The following PHGDH variants were observed in gnomAD, a reference collection of about 807,000 sequenced individuals.
The protein encoded by PHGDH is D-3-phosphoglycerate dehydrogenase.
Under a neutral mutation model 52.6 loss-of-function variants are expected in PHGDH, and 50 were observed. The ratio of observed to expected loss-of-function variants is 0.95; its 90% CI spans 0.76 to 1.20. The LOEUF (loss-of-function observed/expected upper bound fraction) is 1.20. Among genes scored for constraint, PHGDH ranks in the 50% most tolerant of loss-of-function variants. The pLI, the probability that PHGDH is intolerant of heterozygous loss-of-function variation, is 0.00. For synonymous variants in PHGDH, 271 were observed against 280.5 expected (o/e 0.97, Z 0.34); for missense variants, 630 against 684.6 (o/e 0.92, Z 0.89).
chr1:119,734,845 C>T (rs779207258), intron 6 of PHGDH, 79 bp downstream of exon 6: 2 of 1,491,158 alleles, frequency 1.3e-6, no homozygotes, highest in South Asian at 1.1e-5. Context: ...CTGGGCCTTC[C>T]CCAGACAGTG....
intron 6 of PHGDH, 36 bp from the exon 7 acceptor site, chr1:119,735,259 G>A: frequency 1.9e-6 from 3 of 1,613,774 alleles, no homozygotes; most frequent in Non-Finnish European, 2.5e-6. Flanking sequence ...GGATCCTGGT[G>A]CTGCCCCAGC....
At chr1:119,736,240 A>G (rs892842273) in intron 7 of PHGDH, among the ~76,000 whole-genome samples, 12 of 152,140 alleles carry the variant, frequency 7.9e-5, no homozygotes, top group African/African-American at 2.9e-4. Context: ...CATCTTTCTC[A>G]GCTCTTAGAT....
Position 119,743,874 on chromosome 1 carries a change from T to A in PHGDH, c.1448-12T>A. ...ATCCCCTGTGCCAACCAGGAGTTTCTTCTATTTCCAGGCCTCCTGGCAGAG... is the reference window on the plus strand; with the variant it reads ...ATCCCCTGTGCCAACCAGGAGTTTCATCTATTTCCAGGCCTCCTGGCAGAG... On this transcript the variant is annotated splice_polypyrimidine_tract_variant and intron_variant, in intron 11 of 11. Coordinates refer to ENST00000641023, the MANE Select transcript of PHGDH (RefSeq NM_006623.4). The A allele has an allele frequency of 6.2e-7, 1 of 1,611,614 alleles. No individual in the cohort carries two copies. Among genetic ancestry groups the A allele is most frequent in the Non-Finnish European group, 8.5e-7 (1 of 1,177,854 alleles).
intron 5 of PHGDH, among the ~76,000 whole-genome samples, chr1:119,731,066 A>G (rs1441244564): frequency 6.6e-6 from 1 of 152,244 alleles, no homozygotes; most frequent in Non-Finnish European, 1.5e-5. Context: ...TTTTAGATGT[A>G]GAAGCATTTG....
chr1:119,738,202 T>TG (rs144016138), intron 8 of PHGDH, among the ~76,000 whole-genome samples: 2,488 of 152,270 alleles, frequency 0.016, 69 homozygotes, highest in African/African-American at 0.055. Context: ...GAAAATGGGC[T>TG]GGGTGTTCTT....
At chr1:119,733,418 G>A (rs1651789998) in intron 5 of PHGDH, among the ~76,000 whole-genome samples, 1 of 149,166 alleles carries the variant, frequency 6.7e-6, no homozygotes, top group African/African-American at 2.5e-5. Context: ...TTGGCTCACT[G>A]CAGCCTCAAC....
At chr1:119,743,720 G>A in intron 11 of PHGDH, 166 bp from the exon 12 acceptor site, 1 of 733,812 alleles carries the variant, frequency 1.4e-6, no homozygotes, top group Non-Finnish European at 2.5e-6. Flanking sequence ...CATGGAAGCT[G>A]AGCAGATGCC....
intron 2 of PHGDH, 70 bp downstream of exon 2, chr1:119,721,391 GAAAAAAC>G: frequency 6.7e-7 from 1 of 1,489,432 alleles, no homozygotes; most frequent in Non-Finnish European, 9.2e-7. Context: ...CACCTAGGGA[GAAAAAAC>G]TCACTTGAGA....
Position 119,712,068 on chromosome 1 carries a change from GAC to G in PHGDH, c.47_48del (p.Asp16AlafsTer21), listed in dbSNP as rs1557961905. The G allele has an allele frequency of 6.2e-7, 1 of 1,614,046 alleles. No individual in the cohort carries two copies. The highest frequency in any genetic ancestry group is 1.7e-5 in the Admixed American group (1 of 60,016). On this transcript the variant is annotated frameshift_variant, in exon 1 of 12. Transcript: ENST00000641023. LOFTEE classifies it high-confidence loss of function. Reference protein sequence around the residue: ...LRKVLISDSLDPCCRKILQDG... With the variant: ...LRKVLISDSLXPCCRKILQDG... ...GAAAGTGCTCATCAGTGACAGCCTGGACCCTTGCTGCCGGAAGATCTTGCAAG... is the reference window on the plus strand; with the variant it reads ...GAAAGTGCTCATCAGTGACAGCCTGGCCTTGCTGCCGGAAGATCTTGCAAG...
At chr1:119,724,780 T>G in intron 3 of PHGDH, 1 of 456,700 alleles carries the variant, frequency 2.2e-6, no homozygotes, top group South Asian at 1.5e-5. Context: ...TCCCTCCTTT[T>G]CCAGGACCAG....
At chr1:119,739,825 TTG>T (rs1364970582) in intron 8 of PHGDH, 1 of 155,318 alleles carries the variant, frequency 6.4e-6, no homozygotes, top group Non-Finnish European at 1.4e-5. Flanking sequence ...GATATGGGGC[TTG>T]TGTCCCCTCA....
intron 1 of PHGDH, among the ~76,000 whole-genome samples, chr1:119,715,372 C>A (rs1027710947): frequency 2.0e-5 from 3 of 152,160 alleles, no homozygotes; most frequent in African/African-American, 7.2e-5. Flanking sequence ...AATTTCTTTT[C>A]AAATTTCTTT....
chr1:119,726,219 TGTG>T (rs886962461), intron 3 of PHGDH, among the ~76,000 whole-genome samples: 10 of 149,916 alleles, frequency 6.7e-5, no homozygotes, highest in Admixed American at 5.3e-4. Context: ...TGTGTGTGTG[TGTG>T]TGTTGGTGGT....
At chr1:119,727,302 TG>T in intron 5 of PHGDH, 200 bp downstream of exon 5, 2 of 612,124 alleles carry the variant, frequency 3.3e-6, no homozygotes, top group South Asian at 3.7e-5. Context: ...AAATACTTGG[TG>T]GGGGTCCTTT....
intron 1 of PHGDH, among the ~76,000 whole-genome samples, chr1:119,713,798 G>A (rs975841043): frequency 2.0e-5 from 3 of 152,138 alleles, no homozygotes; most frequent in Non-Finnish European, 4.4e-5. Context: ...GGAAGAGGGT[G>A]GCAATCAAGT....
At chr1:119,712,619 C>T (rs1650746618) in intron 1 of PHGDH, 1 of 211,538 alleles carries the variant, frequency 4.7e-6, no homozygotes, top group African/African-American at 2.4e-5. Context: ...ACTGGCGATT[C>T]TTCCCAACCA....
intron 7 of PHGDH, 56 bp downstream of exon 7, chr1:119,735,499 G>C: frequency 6.5e-7 from 1 of 1,546,136 alleles, no homozygotes; most frequent in South Asian, 1.1e-5. Flanking sequence ...GAGCAGAGAG[G>C]CCCATGGCAG....
chr1:119,730,206 T>A (rs762043347), intron 5 of PHGDH: 16 of 152,308 alleles, frequency 1.1e-4, no homozygotes, highest in African/African-American at 3.6e-4. Context: ...GTGAAAGAGA[T>A]GTATAAGCAC....
intron 5 of PHGDH, chr1:119,734,208 T>C: frequency 3.2e-6 from 1 of 315,168 alleles, no homozygotes; most frequent in Admixed American, 4.3e-5. Context: ...CTGCCCTCCC[T>C]CCCTCAGGAC....
Sources: allele counts gnomAD v4.1 joint callset (sites outside exome capture counted in the v4.1 genomes callset), GRCh38; gene constraint gnomAD v4.1.1; transcripts MANE v1.5; gene names NCBI Gene and HGNC (gene_info 2026-07-23, HGNC 2026-07-21).